The following INTS4 variants were observed in gnomAD, a reference collection of about 807,000 sequenced individuals.
INTS4 encodes MSTP093.
A neutral mutation model predicts 119.5 loss-of-function variants in INTS4; 70 were observed. That is an observed-to-expected ratio of 0.59 (90% confidence interval 0.48 to 0.71). The LOEUF (loss-of-function observed/expected upper bound fraction) is 0.71, where lower values mean the gene tolerates loss of function less well. INTS4 is among the 30% of genes least tolerant of loss of function. The pLI, the probability that INTS4 is intolerant of heterozygous loss-of-function variation, is 0.00. For missense variants in INTS4, 867 were observed against 1,173.2 expected, an observed-to-expected ratio of 0.74 and a Z score of 3.81; for synonymous variants, 316 against 419.6, an observed-to-expected ratio of 0.75 and a Z score of 3.02.
At chr11:77,949,869 A>C (rs1954144740) in intron 8 of INTS4, among the ~76,000 whole-genome samples, 2 of 152,176 alleles carry the variant, frequency 1.3e-5, no homozygotes, top group African/African-American at 4.8e-5. Flanking sequence ...ATTACTGGGT[A>C]TATACCCAAA....
At chr11:77,902,613 CTAATGGGATTATTATGAGGGTTAAT>C in intron 17 of INTS4, among the ~76,000 whole-genome samples, 1 of 152,178 alleles carries the variant, frequency 6.6e-6, no homozygotes, top group African/African-American at 2.4e-5. Context: ...TTATTCCTAT[CTAATGGGATTATTATGAGGGTTAAT>C]TAAGCTAATA....
intron 8 of INTS4, among the ~76,000 whole-genome samples, chr11:77,942,871 G>A (rs1176305922): frequency 3.3e-5 from 5 of 152,132 alleles, no homozygotes; most frequent in Non-Finnish European, 7.4e-5. Flanking sequence ...CCTGGGGAAT[G>A]TCCTTACTCA....
intron 8 of INTS4, among the ~76,000 whole-genome samples, chr11:77,950,533 A>G (rs1022441440): frequency 3.3e-5 from 5 of 152,166 alleles, no homozygotes; most frequent in African/African-American, 1.2e-4. Flanking sequence ...TATGATTAAC[A>G]GTAAAATATT....
chr11:77,939,756 G>A (rs1472503401), intron 9 of INTS4, among the ~76,000 whole-genome samples: 1 of 149,806 alleles, frequency 6.7e-6, no homozygotes, highest in Non-Finnish European at 1.5e-5. Flanking sequence ...GAGGTGAGAG[G>A]ATCACTTGAG....
chr11:77,994,494 G>C lies in INTS4; in HGVS notation c.54+96C>G. 3 of 941,928 alleles carry C rather than the reference G, an allele frequency of 3.2e-6. No homozygotes were observed. In the South Asian group the frequency reaches 3.9e-5, roughly 12 times the overall value. The allele number at this position is 941,928 out of a possible 1,614,324, so 58.3% of individuals were successfully genotyped here. On this transcript the variant is annotated intron_variant, in intron 1 of 22. Transcript: ENST00000534064. The stretch of plus-strand genomic sequence containing the variant: ...TATCAACAAGTCAGCACTTAACACG[G>C]GCGTATGGAGCCTCTTCTGTTCCGG...
chr11:77,941,708 G>A (rs1444849912), intron 8 of INTS4, among the ~76,000 whole-genome samples: 5 of 152,106 alleles, frequency 3.3e-5, no homozygotes, highest in Admixed American at 1.3e-4. Flanking sequence ...GTTTCACCAC[G>A]TTGGGCAGGC....
chr11:77,982,550 G>T (rs1856288865), intron 2 of INTS4, among the ~76,000 whole-genome samples: 1 of 152,126 alleles, frequency 6.6e-6, no homozygotes, highest in Non-Finnish European at 1.5e-5. Flanking sequence ...GACTGACAAA[G>T]AAATAGTCTG....
chr11:77,910,714 G>A (rs183352258), intron 15 of INTS4, among the ~76,000 whole-genome samples: 4 of 151,742 alleles, frequency 2.6e-5, no homozygotes, highest in Admixed American at 6.6e-5. Context: ...CCCTTCCTAC[G>A]CCTGTGCCCT....
At chr11:77,879,217 G>T in intron 22 of INTS4, 90 bp from the exon 23 acceptor site, 1 of 1,393,524 alleles carries the variant, frequency 7.2e-7, no homozygotes. Flanking sequence ...CAAAATGGAA[G>T]CAGTAGGGAG....
At chr11:77,991,015 A>G (rs1005224227) in intron 2 of INTS4, 93 bp downstream of exon 2, 12 of 1,094,330 alleles carry the variant, frequency 1.1e-5, no homozygotes, top group African/African-American at 7.9e-5. Flanking sequence ...AAGCTTCCTA[A>G]TGAATACCCT....
chr11:77,972,393 C>T (rs1471255575), intron 4 of INTS4, among the ~76,000 whole-genome samples: 1 of 149,832 alleles, frequency 6.7e-6, no homozygotes, highest in African/African-American at 2.5e-5. Context: ...GCCACCACAC[C>T]CGGCCAATTT....
At chr11:77,896,654 A>C (rs79960904) in intron 18 of INTS4, among the ~76,000 whole-genome samples, 1 of 101,760 alleles carries the variant, frequency 9.8e-6, no homozygotes, top group African/African-American at 4.8e-5. Flanking sequence ...CTCCGTCTCA[A>C]AAAAAAAAAA....
chr11:77,986,337 A>G (rs1856455204), intron 2 of INTS4, among the ~76,000 whole-genome samples: 1 of 152,226 alleles, frequency 6.6e-6, no homozygotes, highest in African/African-American at 2.4e-5. Context: ...AAGTCAGGCA[A>G]CAACAGATGC....
At chr11:77,949,897 A>G (rs1222830300) in intron 8 of INTS4, among the ~76,000 whole-genome samples, 2 of 152,150 alleles carry the variant, frequency 1.3e-5, no homozygotes, top group African/African-American at 4.8e-5. Context: ...AAATCATTCT[A>G]CTATAAAAAC....
chr11:77,888,725 C>A (rs948395069), intron 21 of INTS4, among the ~76,000 whole-genome samples: 9 of 151,968 alleles, frequency 5.9e-5, no homozygotes, highest in African/African-American at 2.2e-4. Context: ...AACAAATTTA[C>A]AAGAAAAAAA....
chr11:77,988,938 T>C (rs900008321), intron 2 of INTS4, among the ~76,000 whole-genome samples: 1 of 152,190 alleles, frequency 6.6e-6, no homozygotes, highest in African/African-American at 2.4e-5. Flanking sequence ...CTGGTTTGCA[T>C]TTTGATTTGA....
chr11:77,949,925 T>C (rs1253792235), intron 8 of INTS4, among the ~76,000 whole-genome samples: 1 of 152,176 alleles, frequency 6.6e-6, no homozygotes. Flanking sequence ...CACGTATGTT[T>C]ATTGCAGCAC....
intron 14 of INTS4, among the ~76,000 whole-genome samples, chr11:77,920,895 T>A (rs921798363): frequency 1.0e-4 from 15 of 150,616 alleles, no homozygotes; most frequent in Non-Finnish European, 2.1e-4. Context: ...TATATATATA[T>A]AACAATTTAA....
chr11:77,991,266 G>C lies in INTS4; in HGVS notation c.88C>G (p.Leu30Val), dbSNP rs1856675842. 1 of 1,613,904 alleles carries C rather than the reference G, an allele frequency of 6.2e-7. No individual in the cohort carries two copies. The highest frequency in any genetic ancestry group is 8.5e-7 in the Non-Finnish European group (1 of 1,179,802). Reference protein sequence around the residue: ...QEEIATKKLRLTKPSKSAALH... With the variant: ...QEEIATKKLRVTKPSKSAALH... ...GCTGCAGATTTACTTGGTTTTGTTA[G>C]TCGGAGTTTCTTAGTAGCAATTTCC... Residue 30 changes from leucine (L) to valine (V), a missense_variant, in exon 2 of 23, where the codon CTA becomes GTA. Leu to Val is a conservative substitution (Grantham distance 32, BLOSUM62 1). Around this residue, in one of 5 missense-constraint regions of INTS4, gnomAD observed 224 missense variants for 231.8 expected, o/e 0.97. Transcript: ENST00000534064.
Sources: allele counts gnomAD v4.1 joint callset (sites outside exome capture counted in the v4.1 genomes callset), GRCh38; gene constraint gnomAD v4.1.1; regional missense constraint gnomAD v4.1.1; transcripts MANE v1.5; gene names NCBI Gene and HGNC (gene_info 2026-07-23, HGNC 2026-07-21).